Variants in HMGCLL1 observed in about 807,000 individuals in gnomAD.
The protein encoded by HMGCLL1 is 3-hydroxymethyl-3-methylglutaryl-CoA lyase, cytoplasmic.
In HMGCLL1, 36 loss-of-function variants were observed where a neutral mutation model predicts 39.1. The ratio of observed to expected loss-of-function variants is 0.92; its 90% CI spans 0.71 to 1.22. The LOEUF (loss-of-function observed/expected upper bound fraction) is 1.22, where lower values mean the gene tolerates loss of function less well. Among genes scored for constraint, HMGCLL1 ranks in the 50% most tolerant of loss-of-function variants. The probability of loss-of-function intolerance (pLI) is 0.00; values close to 1 mark genes in which losing one functional copy is unlikely to be tolerated. For missense variants in HMGCLL1, 451 were observed against 416.5 expected, an observed-to-expected ratio of 1.08 and a Z score of -0.72; for synonymous variants, 149 against 144.0, an observed-to-expected ratio of 1.03 and a Z score of -0.25.
At chr6:55,678,780 C>T in the HMGCLL1 span, among the ~76,000 whole-genome samples, 8 of 152,062 alleles carry the variant, frequency 5.3e-5, no homozygotes, top group Admixed American at 3.9e-4. Context: ...CTTTTTTAAC[C>T]AGTTAGAAAA....
At chr6:55,669,796 T>C in the HMGCLL1 span, among the ~76,000 whole-genome samples, 1 of 151,674 alleles carries the variant, frequency 6.6e-6, no homozygotes, top group South Asian at 2.1e-4. Context: ...TCAATAGAAA[T>C]TGTCTAATCT....
chr6:55,658,423 C>A, the HMGCLL1 span, among the ~76,000 whole-genome samples: 1 of 151,904 alleles, frequency 6.6e-6, no homozygotes, highest in Non-Finnish European at 1.5e-5. Flanking sequence ...CACCCCCAAC[C>A]CAGTGCAAAC....
intron 1 of HMGCLL1, among the ~76,000 whole-genome samples, chr6:55,551,044 CAAA>C (rs773132435): frequency 9.3e-6 from 1 of 107,706 alleles, no homozygotes. Flanking sequence ...ATTTTCAGAC[CAAA>C]AAAAAAAAAA....
rs527806684 is a variant in HMGCLL1, at chr6:55,453,090, C to T, written c.796-13531G>A. Among the ~76,000 whole-genome samples the T allele has an allele frequency of 2.0e-5, 3 of 152,238 alleles. No homozygotes were observed. The East Asian group carries it at 5.8e-4, about 29-fold the overall frequency. On this transcript the variant is annotated intron_variant, in intron 7 of 8. Transcript: ENST00000274901. ...AGAGGATGTGGGAAGAGGTATTCTACAGAGAAGAAGCAATGTGGAAAATCA... is the reference window on the plus strand; with the variant it reads ...AGAGGATGTGGGAAGAGGTATTCTATAGAGAAGAAGCAATGTGGAAAATCA...
the HMGCLL1 span, among the ~76,000 whole-genome samples, chr6:55,619,509 T>G: frequency 6.6e-6 from 1 of 152,074 alleles, no homozygotes; most frequent in Non-Finnish European, 1.5e-5. Context: ...ATTTATTTGG[T>G]TCTTCAACAA....
At chr6:55,498,321 C>T (rs1450155418) in intron 6 of HMGCLL1, among the ~76,000 whole-genome samples, 2 of 152,072 alleles carry the variant, frequency 1.3e-5, no homozygotes, top group Non-Finnish European at 2.9e-5. Context: ...CCTAAAAAAT[C>T]TGAATTGTGT....
At chr6:55,618,732 T>C in the HMGCLL1 span, among the ~76,000 whole-genome samples, 1 of 152,156 alleles carries the variant, frequency 6.6e-6, no homozygotes, top group African/African-American at 2.4e-5. Flanking sequence ...AAAGTAACTT[T>C]TTAGTTACAT....
chr6:55,560,497 T>C lies in HMGCLL1; in HGVS notation c.109-18357A>G, dbSNP rs532482433. ...TTTTTATAAGTTCAGCTGTGATCTG[T>C]AGTTCATTCTGTTAAGTCTTTTCCA... On this transcript the variant is annotated intron_variant, in intron 1 of 8. Coordinates refer to ENST00000274901, the MANE Select transcript of HMGCLL1 (RefSeq NM_001042406.2). Among the ~76,000 whole-genome samples, 8 of 152,330 alleles carry C rather than the reference T, an allele frequency of 5.3e-5. No homozygotes were observed. The South Asian group carries it at 1.4e-3, about 28-fold the overall frequency.
chr6:55,539,688 C>G (rs1346875236), intron 3 of HMGCLL1, among the ~76,000 whole-genome samples: 1 of 150,812 alleles, frequency 6.6e-6, no homozygotes, highest in Non-Finnish European at 1.5e-5. Context: ...ACAACACACA[C>G]TGGAGCGTAT....
chr6:55,638,699 A>C, the HMGCLL1 span, among the ~76,000 whole-genome samples: 1 of 152,206 alleles, frequency 6.6e-6, no homozygotes, highest in Non-Finnish European at 1.5e-5. Context: ...CCTAATCCAC[A>C]GGATTCTTAG....
At chr6:55,539,910 GA>G (rs1219180745) in intron 3 of HMGCLL1, among the ~76,000 whole-genome samples, 2 of 129,938 alleles carry the variant, frequency 1.5e-5, no homozygotes, top group Non-Finnish European at 3.3e-5. Context: ...AAGAAAGAAA[GA>G]AAGAAAGAAA....
intron 1 of HMGCLL1, among the ~76,000 whole-genome samples, chr6:55,546,224 A>C (rs1769966090): frequency 6.6e-6 from 1 of 152,098 alleles, no homozygotes; most frequent in Admixed American, 6.6e-5. Flanking sequence ...TATTGATTTT[A>C]TTGATTTTAT....
chr6:55,495,441 G>C lies in HMGCLL1; in HGVS notation c.773C>G (p.Ala258Gly), dbSNP rs1766521629. Residue 258 changes from alanine to glycine, a missense_variant, in exon 7 of 9, where the codon GCA becomes GGA. Physicochemically the swap from Ala to Gly is moderately conservative, Grantham distance 60. Transcript: ENST00000274901. ...HCHDTYGQAL[A>G]NILTALQMGI... ...TACCTGAAGGGCCGTAAGGATATTTGCTAAGGCTTGTCCGTATGTGTCATG... is the reference window on the plus strand; with the variant it reads ...TACCTGAAGGGCCGTAAGGATATTTCCTAAGGCTTGTCCGTATGTGTCATG... 6.2e-7 allele frequency: 1 copy of C among 1,613,794 alleles called. No individual in the cohort carries two copies. Among genetic ancestry groups the C allele is most frequent in the African/African-American group, 1.3e-5 (1 of 75,030 alleles).
At chr6:55,623,408 A>G in the HMGCLL1 span, among the ~76,000 whole-genome samples, 13 of 151,750 alleles carry the variant, frequency 8.6e-5, no homozygotes, top group East Asian at 2.1e-3. Flanking sequence ...TCTTGGTACC[A>G]CTTTTGCTGT....
intron 7 of HMGCLL1, among the ~76,000 whole-genome samples, chr6:55,466,513 A>T (rs1764805332): frequency 6.6e-6 from 1 of 152,142 alleles, no homozygotes; most frequent in African/African-American, 2.4e-5. Flanking sequence ...GAGGACAGCT[A>T]TGCATTTAAC....
chr6:55,551,608 A>C (rs1770330223), intron 1 of HMGCLL1, among the ~76,000 whole-genome samples: 1 of 151,924 alleles, frequency 6.6e-6, no homozygotes, highest in Non-Finnish European at 1.5e-5. Flanking sequence ...ATCCTCAAGA[A>C]TCTAAAGAAA....
chr6:55,436,715 T>C (rs1319372748), intron 8 of HMGCLL1, among the ~76,000 whole-genome samples: 2 of 152,202 alleles, frequency 1.3e-5, no homozygotes, highest in East Asian at 3.9e-4. Flanking sequence ...TAGACAAGTA[T>C]AAAAACTCAT....
At chr6:55,580,406 C>CTTTTTTTTTTTTTTTTTTT, upstream of HMGCLL1, among the ~76,000 whole-genome samples, 1 of 73,266 alleles carries the variant, frequency 1.4e-5, no homozygotes, top group Non-Finnish European at 2.3e-5. Context: ...TTTTTTCTTT[C>CTTTTTTTTTTTTTTTTTTT]TTTTTTTTTT....
the HMGCLL1 span, among the ~76,000 whole-genome samples, chr6:55,624,377 A>G: frequency 1.3e-5 from 2 of 152,184 alleles, no homozygotes; most frequent in African/African-American, 4.8e-5. Flanking sequence ...CTCCTGGTAC[A>G]TTGCATGCAG....
Sources: allele counts gnomAD v4.1 joint callset (sites outside exome capture counted in the v4.1 genomes callset), GRCh38; gene constraint gnomAD v4.1.1; transcripts MANE v1.5; gene names NCBI Gene and HGNC (gene_info 2026-07-23, HGNC 2026-07-21).